Variants in NLGN1 observed in about 807,000 individuals in gnomAD.
The protein encoded by NLGN1 is neuroligin-1.
A neutral mutation model predicts 65.5 loss-of-function variants in NLGN1; 12 were observed. The observed-to-expected ratio is 0.18, with a 90% CI of 0.12 to 0.30. The LOEUF (loss-of-function observed/expected upper bound fraction) is 0.30. Among genes scored for constraint, NLGN1 ranks in the 10% least tolerant of loss-of-function variants. The pLI is 1.00. For synonymous variants in NLGN1, 350 were observed against 359.5 expected (o/e 0.97, Z 0.30); for missense variants, 750 against 1,007.1 (o/e 0.74, Z 3.46).
intron 1 of NLGN1, among the ~76,000 whole-genome samples, chr3:173,419,570 A>G (rs565685362): frequency 4.6e-5 from 7 of 152,244 alleles, no homozygotes; most frequent in African/African-American, 1.4e-4. Context: ...CAAGATGGTG[A>G]TACTCCTGCT....
chr3:173,669,737 G>A (rs1411699268), intron 3 of NLGN1, among the ~76,000 whole-genome samples: 2 of 152,060 alleles, frequency 1.3e-5, no homozygotes, highest in African/African-American at 4.8e-5. Context: ...GGTCCTTTTT[G>A]GGTGCTTCCT....
At chr3:173,524,009 C>T (rs1311892377) in intron 2 of NLGN1, among the ~76,000 whole-genome samples, 2 of 150,012 alleles carry the variant, frequency 1.3e-5, no homozygotes, top group African/African-American at 4.9e-5. Context: ...CAAGCTCTGC[C>T]TCCCAAGTTC....
chr3:173,524,494 A>G (rs1297827550), intron 2 of NLGN1, among the ~76,000 whole-genome samples: 1 of 152,136 alleles, frequency 6.6e-6, no homozygotes, highest in Non-Finnish European at 1.5e-5. Flanking sequence ...CGTGTATACA[A>G]TCATGTTATC....
chr3:174,275,642 A>ATAGTT (rs1447644823), intron 5 of NLGN1, 115 bp downstream of exon 5: 4 of 658,872 alleles, frequency 6.1e-6, no homozygotes, highest in South Asian at 1.9e-5. Context: ...GTTGAACTCA[A>ATAGTT]TAGTTTAAAG....
intron 2 of NLGN1, among the ~76,000 whole-genome samples, chr3:173,562,440 AC>A (rs1742897903): frequency 6.6e-6 from 1 of 151,936 alleles, no homozygotes; most frequent in Admixed American, 6.6e-5. Flanking sequence ...GGTGGTGCGC[AC>A]CTGTAGTCCC....
intron 2 of NLGN1, among the ~76,000 whole-genome samples, chr3:173,593,207 T>A (rs115357683): frequency 0.028 from 4,225 of 152,280 alleles, 85 homozygotes; most frequent in Middle Eastern, 0.041. Flanking sequence ...TCTTCCCCCA[T>A]TGAACTTCAG....
chr3:173,775,469 G>A (rs1780171200), intron 3 of NLGN1, among the ~76,000 whole-genome samples: 1 of 151,498 alleles, frequency 6.6e-6, no homozygotes, highest in African/African-American at 2.4e-5. Context: ...CCTTTCTGAT[G>A]CTTTTTTTTT....
At chr3:173,569,587 C>CTTTTTTTTTTTT in intron 2 of NLGN1, among the ~76,000 whole-genome samples, 1 of 139,364 alleles carries the variant, frequency 7.2e-6, no homozygotes, top group Non-Finnish European at 1.6e-5. Context: ...ATCATGGTTT[C>CTTTTTTTTTTTT]TTTTTTTTTT....
intron 3 of NLGN1, among the ~76,000 whole-genome samples, chr3:173,613,931 TC>T (rs144702557): frequency 6.6e-6 from 1 of 151,494 alleles, no homozygotes; most frequent in East Asian, 1.9e-4. Context: ...AATTTTTTGG[TC>T]CCCATTGCAG....
In NLGN1 at chr3:173,838,925, T is replaced by A. The variant is rs79276679; in HGVS notation, c.646+31093T>A. 6.1e-3 allele frequency among the ~76,000 whole-genome samples: 931 copies of A among 152,232 alleles called. 8 individuals carry two copies. The highest frequency in any genetic ancestry group is 0.022 in the African/African-American group (895 of 41,548). On this transcript the variant is annotated intron_variant, in intron 4 of 6. Transcript: ENST00000457714. ...AAAGTCTTACTGATATAGAAGTGTA[T>A]TTTTTTGGTATACATTAATCCAGTT...
chr3:173,766,654 G>A (rs561796255), intron 3 of NLGN1, among the ~76,000 whole-genome samples: 2 of 152,218 alleles, frequency 1.3e-5, no homozygotes, highest in East Asian at 3.9e-4. Context: ...TACCATTAGA[G>A]GAGCAGCAGG....
intron 4 of NLGN1, among the ~76,000 whole-genome samples, chr3:173,891,273 A>G (rs1579021682): frequency 6.6e-6 from 1 of 152,190 alleles, no homozygotes; most frequent in African/African-American, 2.4e-5. Context: ...TAGCAAATAT[A>G]TAGCCTGATC....
chr3:174,210,610 A>C (rs1736284492), intron 4 of NLGN1, among the ~76,000 whole-genome samples: 1 of 152,172 alleles, frequency 6.6e-6, no homozygotes, highest in African/African-American at 2.4e-5. Context: ...TCTCTTTATT[A>C]ATAATTGGCA....
At chr3:174,241,770 C>T (rs966204926) in intron 4 of NLGN1, among the ~76,000 whole-genome samples, 4 of 152,044 alleles carry the variant, frequency 2.6e-5, no homozygotes, top group African/African-American at 4.8e-5. Flanking sequence ...TCTCCTGCCT[C>T]AGGCTCCCCT....
intron 4 of NLGN1, among the ~76,000 whole-genome samples, chr3:173,824,235 G>T (rs76271719): frequency 0.013 from 2,012 of 152,180 alleles, 85 homozygotes; most frequent in East Asian, 0.13. Context: ...TTGTAATGTG[G>T]TTGGCTAAAA....
At chr3:173,814,878 A>G (rs1282161813) in intron 4 of NLGN1, among the ~76,000 whole-genome samples, 1 of 152,216 alleles carries the variant, frequency 6.6e-6, no homozygotes, top group African/African-American at 2.4e-5. Flanking sequence ...GCAATTACCT[A>G]TATAAATTCT....
intron 3 of NLGN1, among the ~76,000 whole-genome samples, chr3:173,650,223 T>A (rs1254361057): frequency 6.6e-6 from 1 of 152,112 alleles, no homozygotes; most frequent in Non-Finnish European, 1.5e-5. Context: ...TTCCTACTCA[T>A]CATTATTCAC....
chr3:174,116,548 G>A (rs188924587), intron 4 of NLGN1, among the ~76,000 whole-genome samples: 44 of 151,764 alleles, frequency 2.9e-4, no homozygotes, highest in Admixed American at 5.3e-4. Context: ...ATGTTGTCCC[G>A]GCTAGTCTCA....
chr3:173,685,239 A>C (rs1764522241), intron 3 of NLGN1, among the ~76,000 whole-genome samples: 1 of 152,216 alleles, frequency 6.6e-6, no homozygotes, highest in African/African-American at 2.4e-5. Flanking sequence ...AATGAAACTT[A>C]TTGGTCATTA....
Sources: allele counts gnomAD v4.1 joint callset (sites outside exome capture counted in the v4.1 genomes callset), GRCh38; gene constraint gnomAD v4.1.1; transcripts MANE v1.5; gene names NCBI Gene and HGNC (gene_info 2026-07-23, HGNC 2026-07-21).